LRPPRC: variants seen among roughly 807,000 people sequenced by gnomAD.
The protein encoded by LRPPRC is leucine rich pentatricopeptide repeat containing.
A neutral mutation model predicts 180.3 loss-of-function variants in LRPPRC; 120 were observed. The observed-to-expected ratio is 0.67, with a 90% CI of 0.57 to 0.77. LRPPRC has a LOEUF of 0.77. LRPPRC is among the 30% of genes least tolerant of loss of function. LRPPRC has a pLI of 0.00. For synonymous variants in LRPPRC, 723 were observed against 600.0 expected, an observed-to-expected ratio of 1.21 and a Z score of -3.00; for missense variants, 2,012 against 1,657.2, an observed-to-expected ratio of 1.21 and a Z score of -3.72.
At chr2:43,907,134 T>C (rs960692043) in intron 30 of LRPPRC, among the ~76,000 whole-genome samples, 4 of 152,206 alleles carry the variant, frequency 2.6e-5, no homozygotes, top group Non-Finnish European at 4.4e-5. Context: ...AAACTTGTCT[T>C]TGACACTAAG....
intron 17 of LRPPRC, 69 bp from the exon 18 acceptor site, chr2:43,948,268 G>C: frequency 1.0e-6 from 1 of 979,970 alleles, no homozygotes. Flanking sequence ...TTGTCTAACA[G>C]AAATTATCTC....
At chr2:43,930,748 T>C (rs1672058906) in intron 25 of LRPPRC, among the ~76,000 whole-genome samples, 1 of 152,180 alleles carries the variant, frequency 6.6e-6, no homozygotes, top group African/African-American at 2.4e-5. Flanking sequence ...AGTAATGTTG[T>C]TATGTCTTTA....
intron 29 of LRPPRC, among the ~76,000 whole-genome samples, chr2:43,916,423 C>G (rs968803127): frequency 5.9e-5 from 9 of 152,042 alleles, no homozygotes; most frequent in African/African-American, 2.2e-4. Flanking sequence ...AAGATGTCTT[C>G]AGGAAAGTTT....
At chr2:43,890,570 G>A (rs7576450) in intron 36 of LRPPRC, among the ~76,000 whole-genome samples, 5,712 of 152,180 alleles carry the variant, frequency 0.038, 247 homozygotes, top group African/African-American at 0.11. Context: ...AAAATTAGCC[G>A]GGCGTGGTGG....
intron 11 of LRPPRC, among the ~76,000 whole-genome samples, chr2:43,972,461 C>G (rs1054661043): frequency 1.3e-5 from 2 of 152,074 alleles, no homozygotes; most frequent in East Asian, 3.8e-4. Context: ...TCAACTGGTA[C>G]CAAAAAAATT....
intron 1 of LRPPRC, among the ~76,000 whole-genome samples, chr2:43,989,780 C>T (rs962889159): frequency 1.3e-5 from 2 of 152,096 alleles, no homozygotes; most frequent in Admixed American, 1.3e-4. Flanking sequence ...ATTTCAGAAA[C>T]GGGAATCACG....
Position 43,943,799 on chromosome 2 carries a change from A to G in LRPPRC, c.2392T>C (p.Leu798=), listed in dbSNP as rs373554506. 1.5e-5 allele frequency: 25 copies of G among 1,613,346 alleles called. No homozygotes were observed. The African/African-American group carries it at 3.2e-4, about 21-fold the overall frequency. ...SFFHMLNGAA[L]RGEIETVKQL... ...TTTACTGTTTCAATTTCACCTCTTA[A>G]AGCTGCGCCATTTAGCATGTGGAAA... The change falls in exon 23 of 38, where the codon TTA becomes CTA. Residue 798 remains leucine (L), a synonymous_variant. Transcript: ENST00000260665.
chr2:43,956,777 C>A (rs1314781951), intron 14 of LRPPRC, among the ~76,000 whole-genome samples: 1 of 152,116 alleles, frequency 6.6e-6, no homozygotes, highest in African/African-American at 2.4e-5. Context: ...GTAGTCCCAG[C>A]TACTCAGCAG....
chr2:43,931,880 G>T (rs980582825), intron 25 of LRPPRC, among the ~76,000 whole-genome samples: 2 of 151,978 alleles, frequency 1.3e-5, no homozygotes, highest in African/African-American at 2.4e-5. Context: ...AGTTGGACCA[G>T]TTTCCCCTTC....
At chr2:43,936,426 A>G (rs948967610) in intron 23 of LRPPRC, among the ~76,000 whole-genome samples, 2 of 152,258 alleles carry the variant, frequency 1.3e-5, no homozygotes, top group African/African-American at 4.8e-5. Context: ...CATGGCTCCA[A>G]GTACAACTAG....
At chr2:43,981,699 T>C (rs1046998694) in intron 2 of LRPPRC, among the ~76,000 whole-genome samples, 3 of 151,948 alleles carry the variant, frequency 2.0e-5, no homozygotes, top group Non-Finnish European at 4.4e-5. Context: ...TACTCCAAAC[T>C]TTGCCCAGAT....
At chr2:43,915,033 C>A (rs1038498146) in intron 29 of LRPPRC, among the ~76,000 whole-genome samples, 2 of 135,626 alleles carry the variant, frequency 1.5e-5, no homozygotes, top group Non-Finnish European at 3.1e-5. Context: ...CATGGTGAAA[C>A]CCTGTCTCTA....
intron 11 of LRPPRC, among the ~76,000 whole-genome samples, chr2:43,972,749 A>G (rs946252203): frequency 2.0e-5 from 3 of 152,196 alleles, no homozygotes; most frequent in East Asian, 1.9e-4. Context: ...TAAAATTGCA[A>G]TATGAAAGTC....
At chr2:43,915,143 G>T (rs1018585035) in intron 29 of LRPPRC, among the ~76,000 whole-genome samples, 32 of 148,792 alleles carry the variant, frequency 2.2e-4, no homozygotes, top group African/African-American at 7.9e-4. Flanking sequence ...AGAATCACTT[G>T]AGTCCAGAAG....
chr2:43,924,457 TG>T (rs1671806159), intron 27 of LRPPRC, among the ~76,000 whole-genome samples: 1 of 152,206 alleles, frequency 6.6e-6, no homozygotes, highest in African/African-American at 2.4e-5. Context: ...AACGTAGTGT[TG>T]TTTTAGAAAT....
At chr2:43,987,354 G>GGGCCGTGGC (rs1674572047) in intron 1 of LRPPRC, among the ~76,000 whole-genome samples, 1 of 151,842 alleles carries the variant, frequency 6.6e-6, no homozygotes. Flanking sequence ...AATTAGCCAG[G>GGGCCGTGGC]GGCCGTGGCG....
rs201605358 is a variant in LRPPRC at position 43,932,387 on chromosome 2, CT to C, written c.2736+1802del. Among the ~76,000 whole-genome samples, 637 of 152,140 alleles carry C rather than the reference CT, an allele frequency of 4.2e-3. 6 individuals are homozygous for C. The highest frequency in any genetic ancestry group is 0.014 in the African/African-American group (593 of 41,518). On this transcript the variant is annotated intron_variant, in intron 25 of 37. Transcript: ENST00000260665. ...TCTACCCAATGATAAGACACTATTG[CT>C]TTTTTTGGGAATGATAAAAATGTTG...
chr2:43,900,699 G>A (rs1670851250), intron 32 of LRPPRC, among the ~76,000 whole-genome samples: 1 of 152,038 alleles, frequency 6.6e-6, no homozygotes, highest in African/African-American at 2.4e-5. Flanking sequence ...TTAAATGTAT[G>A]CAAGATTACT....
At chr2:43,955,642 C>T (rs986352083) in intron 14 of LRPPRC, among the ~76,000 whole-genome samples, 1 of 151,946 alleles carries the variant, frequency 6.6e-6, no homozygotes, top group African/African-American at 2.4e-5. Context: ...CGGGAGGCTA[C>T]GATGGGAGGA....
Sources: gnomAD v4.1 joint callset for allele counts (sites outside exome capture counted in the v4.1 genomes callset) on GRCh38, gnomAD v4.1.1 for gene constraint, MANE v1.5 for transcripts, NCBI Gene and HGNC (gene_info 2026-07-23, HGNC 2026-07-21) for gene names.